The following ASPSCR1 variants were observed in gnomAD, a reference collection of about 807,000 sequenced individuals.
ASPSCR1 encodes the protein ASPSCR1 tether for SLC2A4, UBX domain containing.
In ASPSCR1, 55 loss-of-function variants were observed where a neutral mutation model predicts 68.9. That is an observed-to-expected ratio of 0.80 (90% CI 0.64 to 1.00). The LOEUF is 1.00. Ranked by LOEUF, ASPSCR1 falls within the 50% of genes least tolerant of loss-of-function variation. ASPSCR1 has a pLI of 0.00. For missense variants in ASPSCR1, 765 were observed against 762.2 expected (o/e 1.00, Z -0.04); for synonymous variants, 352 against 332.6 (o/e 1.06, Z -0.63).
chr17:81,983,087 C>T lies in ASPSCR1; in HGVS notation c.159-467C>T, dbSNP rs1214095308. ...TCAAACTCCTGAACCTCAGGTGATC[C>T]GCCTGCCTCGGCCTCCGAAAGTGCT... On this transcript the variant is annotated intron_variant, in intron 2 of 15. Coordinates refer to ENST00000306739, the MANE Select transcript of ASPSCR1 (RefSeq NM_024083.4). The surrounding 1 kb of genome is among the most constrained non-coding windows in gnomAD (Gnocchi z 4.4). 3.3e-5 allele frequency among the ~76,000 whole-genome samples: 5 copies of T among 152,312 alleles called. No individual in the cohort carries two copies. The highest frequency in any genetic ancestry group is 4.1e-4 in the South Asian group (2 of 4,828).
chr17:82,011,060 C>A (rs951894266), intron 10 of ASPSCR1, among the ~76,000 whole-genome samples, 192 bp downstream of exon 10: 1 of 152,204 alleles, frequency 6.6e-6, no homozygotes, highest in Non-Finnish European at 1.5e-5. Context: ...GCAGGCTGGG[C>A]GCTTGCTCCA....
At chr17:82,008,033 A>G (rs1212461565) in intron 7 of ASPSCR1, 2 of 152,326 alleles carry the variant, frequency 1.3e-5, no homozygotes, top group Non-Finnish European at 2.9e-5. Flanking sequence ...ACAAGTCATA[A>G]CAGAGCCACA....
In ASPSCR1 at chr17:81,995,619, T is replaced by C; in HGVS notation, c.433-373T>C. On this transcript the variant is annotated intron_variant, in intron 5 of 15. Coordinates refer to ENST00000306739, the MANE Select transcript of ASPSCR1 (RefSeq NM_024083.4). ...CCCACCCCGAGCTGAGCACCAGGAATGGCCACCCCCGTGGGTGACAGCACG... is the reference window on the plus strand; with the variant it reads ...CCCACCCCGAGCTGAGCACCAGGAACGGCCACCCCCGTGGGTGACAGCACG... 3 of 425,798 alleles carry C rather than the reference T, an allele frequency of 7.0e-6. No homozygotes were observed. The East Asian group carries it at 1.5e-4, about 22-fold the overall frequency. The allele number at this position is 425,798 out of a possible 1,614,324, so 26.4% of individuals were successfully genotyped here.
At chr17:82,017,149 CG>C in intron 15 of ASPSCR1, 36 bp downstream of exon 15, 2 of 1,559,306 alleles carry the variant, frequency 1.3e-6, no homozygotes, top group Non-Finnish European at 8.7e-7. Context: ...GTGCTGTGGC[CG>C]GGTGGAGGGC....
chr17:82,006,877 G>A (rs2042738114), intron 7 of ASPSCR1: 1 of 152,334 alleles, frequency 6.6e-6, no homozygotes, highest in African/African-American at 2.4e-5. Context: ...AGGGCTGGGT[G>A]TGGCTGGGGC....
At chr17:81,982,227 C>T (rs910218637) in intron 2 of ASPSCR1, among the ~76,000 whole-genome samples, 7 of 152,266 alleles carry the variant, frequency 4.6e-5, no homozygotes, top group African/African-American at 1.7e-4. Context: ...TCTGGGCCTC[C>T]CAAATTGCTG....
rs142584577 is a variant in ASPSCR1, at chr17:81,992,591, G to T, written c.375-2230G>T. On this transcript the variant is annotated intron_variant, in intron 4 of 15. Coordinates refer to ENST00000306739, the MANE Select transcript of ASPSCR1 (RefSeq NM_024083.4). ...ACCATCTCCGGACCCCTGGCCATCT[G>T]TGTCATGCTGGGGAGCGGGGACCCT... is the stretch of plus-strand genomic sequence containing the variant. Among the ~76,000 whole-genome samples, 5 of 152,302 alleles carry T rather than the reference G, an allele frequency of 3.3e-5. No individual in the cohort carries two copies. The East Asian group carries it at 9.7e-4, about 29-fold the overall frequency.
chr17:82,011,554 C>G lies in ASPSCR1; in HGVS notation c.1249C>G (p.Arg417Gly). 1.3e-6 allele frequency: 2 copies of G among 1,579,746 alleles called. No homozygotes were observed. The highest frequency in any genetic ancestry group is 1.7e-6 in the Non-Finnish European group (2 of 1,169,558). The change falls in exon 11 of 16, where the codon CGA becomes GGA. Residue 417 changes from arginine (R) to glycine (G), a missense_variant. Transcript: ENST00000306739. ...TTTCTCCTCTGCAGTGGGGGACTTG[C>G]GAGACTTCGTGAGGAGCCACCTGGG... Reference protein sequence around the residue: ...FRPSETVGDLRDFVRSHLGNP... With the variant: ...FRPSETVGDLGDFVRSHLGNP...
intron 4 of ASPSCR1, among the ~76,000 whole-genome samples, chr17:81,991,695 C>A (rs949200232): frequency 1.3e-5 from 2 of 152,234 alleles, no homozygotes; most frequent in African/African-American, 4.8e-5. Flanking sequence ...TCTGTCTAGC[C>A]GCTTGGCGGC....
At chr17:82,016,595 G>A (rs1035179182) in intron 13 of ASPSCR1, 68 bp downstream of exon 13, 53 of 1,540,116 alleles carry the variant, frequency 3.4e-5, no homozygotes, top group Admixed American at 5.9e-5. Context: ...AGAGCCAGCT[G>A]CCCGGGAGGG....
At chr17:82,014,212 G>A (rs540248454) in intron 12 of ASPSCR1, 1 of 152,370 alleles carries the variant, frequency 6.6e-6, no homozygotes, top group Non-Finnish European at 1.5e-5. Flanking sequence ...AGCCAGTTCT[G>A]TCGTCCTTCC....
At chr17:82,013,225 C>T (rs1043548293) in intron 12 of ASPSCR1, 8 of 152,128 alleles carry the variant, frequency 5.3e-5, no homozygotes, top group African/African-American at 1.9e-4. Flanking sequence ...GACTCCGGGC[C>T]TCCTTCCTCC....
Position 81,978,015 on chromosome 17 carries a change from G to A in ASPSCR1, c.102+267G>A, listed in dbSNP as rs1314994011. 3 of 248,132 alleles carry A rather than the reference G, an allele frequency of 1.2e-5. No individual in the cohort carries two copies. In the East Asian group the frequency reaches 2.3e-4, roughly 19 times the overall value. The allele number at this position is 248,132 out of a possible 1,614,324, so 15.4% of individuals were successfully genotyped here. ...CGGCGCCGCGTGTCACCCGCATCGA[G>A]TACTCGGCGCCCGGCCGAGCCCAGC... On this transcript the variant is annotated intron_variant, in intron 1 of 15. Coordinates refer to ENST00000306739, the MANE Select transcript of ASPSCR1 (RefSeq NM_024083.4).
chr17:81,996,958 A>T, intron 7 of ASPSCR1, 112 bp downstream of exon 7: 1 of 1,502,678 alleles, frequency 6.7e-7, no homozygotes, highest in South Asian at 1.4e-5. Flanking sequence ...GGGCAGAGGA[A>T]CCCAAACGCG....
chr17:81,978,868 G>C, intron 1 of ASPSCR1: 1 of 437,342 alleles, frequency 2.3e-6, no homozygotes, highest in East Asian at 4.5e-5. Context: ...GCAGGTTGCA[G>C]AACTACAGGG....
intron 1 of ASPSCR1, chr17:81,978,828 A>AG: frequency 2.9e-6 from 1 of 341,200 alleles, no homozygotes; most frequent in Non-Finnish European, 5.6e-6. Flanking sequence ...TGCCAGAGCC[A>AG]GGGGGTAGCT....
chr17:81,983,612 A>G lies in ASPSCR1; in HGVS notation c.217A>G (p.Asn73Asp). 2 of 1,613,620 alleles carry G rather than the reference A, an allele frequency of 1.2e-6. No individual in the cohort carries two copies. The highest frequency in any genetic ancestry group is 2.2e-5 in the South Asian group (2 of 90,980). The change falls in exon 3 of 16, where the codon AAT becomes GAT. Residue 73 changes from asparagine (N) to aspartate (D), a missense_variant. By Grantham distance (23) the Asn-to-Asp change is conservative. Transcript: ENST00000306739. This position sits in a 1 kb window ranked among gnomAD's most constrained non-coding sequence, Gnocchi z 4.4. ...GTGGAGATTTGCCAACCTGCCCAAC[A>G]ATGCCAAGCTGGAGATGGTGCCCGC... ...LQWRFANLPN[N>D]AKLEMVPASR...
intron 7 of ASPSCR1, among the ~76,000 whole-genome samples, chr17:82,002,608 G>T (rs1322601930): frequency 6.6e-6 from 1 of 151,906 alleles, no homozygotes; most frequent in East Asian, 1.9e-4. Context: ...TGTTGCCCAG[G>T]CTGGAGTGCG....
intron 12 of ASPSCR1, chr17:82,015,104 C>G (rs2043076884): frequency 1.3e-6 from 2 of 1,598,016 alleles, no homozygotes; most frequent in African/African-American, 1.3e-5. Context: ...TGGCTCCATT[C>G]ACCCTGGGTC....
Sources: gnomAD v4.1 joint callset for allele counts (sites outside exome capture counted in the v4.1 genomes callset) on GRCh38, gnomAD v4.1.1 for gene constraint, Gnocchi (gnomAD v3.1) non-coding constraint, MANE v1.5 for transcripts, NCBI Gene and HGNC (gene_info 2026-07-23, HGNC 2026-07-21) for gene names.